FCRL4: variants seen among roughly 807,000 people sequenced by gnomAD.
The protein encoded by FCRL4 is Fc receptor like 4.
FCRL4 carries 43 observed loss-of-function variants against 64.1 expected under a neutral mutation model. The observed-to-expected ratio is 0.67, with a 90% CI of 0.53 to 0.87. The LOEUF is 0.87. FCRL4 is among the 40% of genes least tolerant of loss of function. The pLI is 0.00. For synonymous variants in FCRL4, 253 were observed against 239.8 expected (o/e 1.05, Z -0.51); for missense variants, 656 against 613.5 (o/e 1.07, Z -0.73).
chr1:157,597,924 C>A lies in FCRL4; in HGVS notation c.21G>T (p.Leu7Phe), dbSNP rs772503450. ...CTCCCCATCACTTACCAAAGGCCAG[C>A]AAGGACGCCCACAGCAGCATGGAAG... MLLWAS[L>F]LAFAPVCGQS... Residue 7 changes from leucine to phenylalanine, a missense_variant, in exon 1 of 12, where the codon TTG (leucine) becomes TTT (phenylalanine). Coordinates refer to ENST00000271532, the MANE Select transcript of FCRL4 (RefSeq NM_031282.3). 6 of 1,613,436 alleles carry A rather than the reference C, an allele frequency of 3.7e-6. No individual in the cohort carries two copies. The highest frequency in any genetic ancestry group is 5.1e-6 in the Non-Finnish European group (6 of 1,179,640).
rs775334813 is a variant in FCRL4, at chr1:157,587,281, A to T, written c.842T>A (p.Val281Glu). 8 of 1,613,618 alleles carry T rather than the reference A, an allele frequency of 5.0e-6. No homozygotes were observed. The South Asian group carries it at 8.8e-5, about 18-fold the overall frequency. The stretch of plus-strand genomic sequence containing the variant: ...CCTGGCTCTCCAACACTCACGCTGC[A>T]CATGGATCTGTAGCGAGGGACTGTG... ...HKHSPSLQIH[V>E]QRIPVSGVLL... The change falls in exon 5 of 12, where the codon GTG becomes GAG. Residue 281 changes from valine to glutamate, a missense_variant. Physicochemically the swap from Val to Glu is moderately radical, Grantham distance 121. Transcript: ENST00000271532.
chr1:157,575,694 C>T lies in FCRL4; in HGVS notation c.1461+5G>A. ...GAGATAAAACTGTGGGGAAATGAAA[C>T]TCACCTTATCCTCTAGAAGTGTCCT... On this transcript the variant is annotated splice_donor_5th_base_variant and intron_variant, in intron 11 of 11. Coordinates refer to ENST00000271532, the MANE Select transcript of FCRL4 (RefSeq NM_031282.3). 6.2e-7 allele frequency: 1 copy of T among 1,613,774 alleles called. No individual in the cohort carries two copies. Among genetic ancestry groups the T allele is most frequent in the Non-Finnish European group, 8.5e-7 (1 of 1,179,764 alleles).
intron 2 of FCRL4, among the ~76,000 whole-genome samples, chr1:157,594,317 C>T (rs533323261): frequency 2.0e-5 from 3 of 152,290 alleles, no homozygotes; most frequent in East Asian, 3.9e-4. Context: ...AAATCTTCTT[C>T]CTTTATTTGA....
intron 9 of FCRL4, 81 bp from the exon 10 acceptor site, chr1:157,578,623 C>A (rs1278312700): frequency 2.9e-6 from 4 of 1,401,758 alleles, no homozygotes; most frequent in Non-Finnish European, 4.1e-6. Flanking sequence ...ATCATCTCCA[C>A]TCTTCTTGGA....
In FCRL4 at chr1:157,573,968, T is replaced by A. The variant is rs1234781202; in HGVS notation, c.*1556A>T. On this transcript the variant is annotated 3_prime_UTR_variant, in exon 12 of 12. Transcript: ENST00000271532. The stretch of plus-strand genomic sequence containing the variant: ...AACAAGACCCACACATTCCTTTTGG[T>A]CGACATGTCTCGTCTCATTTAATTT... The A allele has an allele frequency of 5.0e-6, 1 of 200,130 alleles. No individual in the cohort carries two copies. The highest frequency in any genetic ancestry group is 1.0e-5 in the Non-Finnish European group (1 of 97,102). 12.4% of individuals were successfully genotyped at this position (200,130 alleles called of 1,614,324 possible).
intron 2 of FCRL4, among the ~76,000 whole-genome samples, chr1:157,590,725 G>A (rs1652819872): frequency 6.6e-6 from 1 of 151,972 alleles, no homozygotes; most frequent in African/African-American, 2.4e-5. Flanking sequence ...CATCTTCTTA[G>A]CCAGGATGGT....
intron 6 of FCRL4, among the ~76,000 whole-genome samples, chr1:157,582,103 C>T (rs1202248801): frequency 3.3e-5 from 5 of 152,198 alleles, no homozygotes; most frequent in African/African-American, 1.2e-4. Flanking sequence ...GATGAAATGG[C>T]ATCAGCCTCC....
chr1:157,593,227 T>C lies in FCRL4; in HGVS notation c.52+3101A>G, dbSNP rs993176432. 1.3e-5 allele frequency among the ~76,000 whole-genome samples: 2 copies of C among 152,068 alleles called. 1 individual carries two copies. The highest frequency in any genetic ancestry group is 4.2e-4 in the South Asian group (2 of 4,812). ...TTGTGCACATGTATCTTAGAACTTATAGTATAATAATAATAAAAAAATAAG... is the reference window on the plus strand; with the variant it reads ...TTGTGCACATGTATCTTAGAACTTACAGTATAATAATAATAAAAAAATAAG... On this transcript the variant is annotated intron_variant, in intron 2 of 11. Coordinates refer to ENST00000271532, the MANE Select transcript of FCRL4 (RefSeq NM_031282.3).
chr1:157,587,271 C>A lies in FCRL4; in HGVS notation c.847+5G>T. 2 of 1,611,946 alleles carry A rather than the reference C, an allele frequency of 1.2e-6. No homozygotes were observed. Among genetic ancestry groups the A allele is most frequent in the South Asian group, 2.2e-5 (2 of 91,018 alleles). ...AGGGAAGATGCCTGGCTCTCCAACACTCACGCTGCACATGGATCTGTAGCG... is the reference window on the plus strand; with the variant it reads ...AGGGAAGATGCCTGGCTCTCCAACAATCACGCTGCACATGGATCTGTAGCG... On this transcript the variant is annotated splice_donor_5th_base_variant and intron_variant, in intron 5 of 11. Coordinates refer to ENST00000271532, the MANE Select transcript of FCRL4 (RefSeq NM_031282.3).
chr1:157,595,191 T>C (rs528652004), intron 2 of FCRL4, among the ~76,000 whole-genome samples: 7 of 152,358 alleles, frequency 4.6e-5, no homozygotes, highest in Non-Finnish European at 8.8e-5. Flanking sequence ...TGAGCCACTG[T>C]GCCCAGCCTC....
chr1:157,582,381 T>C (rs1424012154), intron 6 of FCRL4, among the ~76,000 whole-genome samples: 3 of 152,180 alleles, frequency 2.0e-5, no homozygotes, highest in Admixed American at 6.5e-5. Flanking sequence ...CTCTTGAGTT[T>C]ATAACCCAGG....
intron 7 of FCRL4, 59 bp from the exon 8 acceptor site, chr1:157,580,407 T>C (rs1652534568): frequency 6.4e-7 from 1 of 1,571,100 alleles, no homozygotes. Context: ...CTCAATGACT[T>C]CATGTAACAG....
At chr1:157,580,217 C>T in intron 8 of FCRL4, 104 bp downstream of exon 8, 1 of 1,237,696 alleles carries the variant, frequency 8.1e-7, no homozygotes, top group East Asian at 2.3e-5. Context: ...AGTATCTAGC[C>T]ACAGGGCCAA....
intron 4 of FCRL4, 33 bp from the exon 5 acceptor site, chr1:157,587,593 C>T (rs180986662): frequency 4.8e-4 from 775 of 1,602,606 alleles, no homozygotes; most frequent in Non-Finnish European, 6.0e-4. Flanking sequence ...GTTCTGAGCA[C>T]GAGAGTATTT....
At chr1:157,575,849 C>T in intron 10 of FCRL4, 119 bp from the exon 11 acceptor site, 1 of 878,094 alleles carries the variant, frequency 1.1e-6, no homozygotes, top group Non-Finnish European at 1.9e-6. Context: ...ATCCCCTCCA[C>T]CTCATCCCCT....
intron 2 of FCRL4, among the ~76,000 whole-genome samples, chr1:157,591,553 G>A (rs1395165878): frequency 6.6e-6 from 1 of 152,144 alleles, no homozygotes; most frequent in Admixed American, 6.5e-5. Flanking sequence ...GGAGAGGTAA[G>A]CAGGCTCTGT....
intron 2 of FCRL4, among the ~76,000 whole-genome samples, chr1:157,595,590 C>G (rs897105840): frequency 6.6e-6 from 1 of 152,210 alleles, no homozygotes; most frequent in African/African-American, 2.4e-5. Flanking sequence ...TTTCATTTCC[C>G]CATTCTAGAA....
intron 6 of FCRL4, among the ~76,000 whole-genome samples, chr1:157,585,955 A>C (rs1216870192): frequency 6.6e-6 from 1 of 152,216 alleles, no homozygotes; most frequent in African/African-American, 2.4e-5. Flanking sequence ...TCCAAAAAGC[A>C]AAATGGCTCC....
intron 2 of FCRL4, among the ~76,000 whole-genome samples, chr1:157,593,544 T>A (rs887384751): frequency 1.3e-5 from 2 of 152,208 alleles, no homozygotes; most frequent in Admixed American, 6.5e-5. Context: ...CTAGTTATTG[T>A]TTATCTTGAA....
Sources: allele counts gnomAD v4.1 joint callset (sites outside exome capture counted in the v4.1 genomes callset), GRCh38; gene constraint gnomAD v4.1.1; transcripts MANE v1.5; gene names NCBI Gene and HGNC (gene_info 2026-07-23, HGNC 2026-07-21).